The following ANKFN1 variants were observed in gnomAD, a reference collection of about 807,000 sequenced individuals.
The protein encoded by ANKFN1 is ankyrin repeat and fibronectin type-III domain-containing protein 1.
A neutral mutation model predicts 108.7 loss-of-function variants in ANKFN1; 74 were observed. That is an observed-to-expected ratio of 0.68 (90% CI 0.56 to 0.83). The LOEUF is 0.83. Ranked by LOEUF, ANKFN1 falls within the 40% of genes least tolerant of loss-of-function variation. The pLI is 0.00. For synonymous variants in ANKFN1, 547 were observed against 516.2 expected (o/e 1.06, Z -0.81); for missense variants, 1,505 against 1,382.3 (o/e 1.09, Z -1.41).
chr17:56,055,441 C>CTG lies in ANKFN1; in HGVS notation c.288+9132_288+9133dup, dbSNP rs71137187. On this transcript the variant is annotated intron_variant, in intron 4 of 12. Transcript: ENST00000635860. ...GTGGTTGTATATTATCCCATTATGT[C>CTG]TGTGTGTGTGTGTGTGTATTATTCC... Among the ~76,000 whole-genome samples the CTG allele has an allele frequency of 1.3e-3, 183 of 144,492 alleles. 1 individual carries two copies. Among genetic ancestry groups the CTG allele is most frequent in the African/African-American group, 4.1e-3 (158 of 38,376 alleles). 94.8% of individuals were successfully genotyped at this position (144,492 alleles called of 152,430 possible).
chr17:56,419,621 C>T (rs1232887757), intron 8 of ANKFN1, among the ~76,000 whole-genome samples: 1 of 151,406 alleles, frequency 6.6e-6, no homozygotes, highest in East Asian at 1.9e-4. Flanking sequence ...TAGCAAGACC[C>T]TATCTCCATG....
intron 3 of ANKFN1, among the ~76,000 whole-genome samples, chr17:56,309,656 C>A (rs1187938907): frequency 1.3e-5 from 2 of 152,156 alleles, no homozygotes; most frequent in African/African-American, 4.8e-5. Context: ...AAACCCCCAA[C>A]AGATGCCTAA....
intron 1 of ANKFN1, among the ~76,000 whole-genome samples, chr17:56,164,219 G>A (rs564364420): frequency 6.6e-6 from 1 of 151,128 alleles, no homozygotes; most frequent in Admixed American, 6.6e-5. Context: ...AAAGACCTCC[G>A]TTGCATTCCA....
At chr17:56,154,640 A>AT (rs1908918618) in intron 1 of ANKFN1, among the ~76,000 whole-genome samples, 1 of 123,978 alleles carries the variant, frequency 8.1e-6, no homozygotes, top group Non-Finnish European at 1.8e-5. Context: ...ATATGCCAAC[A>AT]CCAAAAAAAA....
chr17:56,151,628 G>A (rs1908617703), upstream of ANKFN1, among the ~76,000 whole-genome samples: 1 of 152,116 alleles, frequency 6.6e-6, no homozygotes, highest in Admixed American at 6.6e-5. Context: ...TACCATGCAA[G>A]CCTAACTGGG....
chr17:56,509,649 T>C (rs1343730431), intron 20 of ANKFN1, among the ~76,000 whole-genome samples: 1 of 152,202 alleles, frequency 6.6e-6, no homozygotes, highest in East Asian at 1.9e-4. Flanking sequence ...GGATACTGGA[T>C]AATGGATACT....
At chr17:56,215,262 G>T (rs1040319033) in intron 2 of ANKFN1, among the ~76,000 whole-genome samples, 1 of 152,206 alleles carries the variant, frequency 6.6e-6, no homozygotes, top group African/African-American at 2.4e-5. Flanking sequence ...TCCAGATCCA[G>T]AATCTATCGC....
intron 9 of ANKFN1, 152 bp from the exon 10 acceptor site, chr17:56,442,691 G>C (rs1024912760): frequency 8.8e-6 from 5 of 564,996 alleles, no homozygotes; most frequent in Non-Finnish European, 9.0e-6. Context: ...ATGGGCTATA[G>C]TTCTGTTGCC....
At chr17:56,055,566 C>CATATATATATATAT (rs1355346286) in intron 4 of ANKFN1, among the ~76,000 whole-genome samples, 4,246 of 47,002 alleles carry the variant, frequency 0.09, 694 homozygotes, top group Non-Finnish European at 0.12. Flanking sequence ...GGTATATATA[C>CATATATATATATAT]ATATATATAT....
At chr17:56,348,930 A>G (rs1337298371) in intron 4 of ANKFN1, among the ~76,000 whole-genome samples, 2 of 152,330 alleles carry the variant, frequency 1.3e-5, no homozygotes, top group African/African-American at 2.4e-5. Flanking sequence ...ATGCATGCAT[A>G]TATTCACTGC....
At chr17:56,188,573 GTGTGTGTGTATATATATATATA>G (rs1567825711) in intron 1 of ANKFN1, among the ~76,000 whole-genome samples, 1 of 95,480 alleles carries the variant, frequency 1.0e-5, no homozygotes, top group African/African-American at 5.2e-5. Context: ...ATGTGTGTGT[GTGTGTGTGTATATATATATATA>G]TATATATATA....
intron 3 of ANKFN1, among the ~76,000 whole-genome samples, chr17:56,274,327 G>C (rs2043863705): frequency 3.3e-5 from 5 of 152,234 alleles, no homozygotes; most frequent in Admixed American, 3.3e-4. Flanking sequence ...CAAAAAATTA[G>C]CTGGGCGTGG....
chr17:56,117,951 A>G (rs1458100125), intron 4 of ANKFN1, among the ~76,000 whole-genome samples: 1 of 152,112 alleles, frequency 6.6e-6, no homozygotes, highest in Admixed American at 6.6e-5. Context: ...AGGTTTGCCC[A>G]TTCCACACAT....
rs1454923928 is a variant in ANKFN1, at chr17:56,054,422, T to A, written c.288+8097T>A. On this transcript the variant is annotated intron_variant, in intron 4 of 12. Coordinates refer to the ANKFN1 transcript ENST00000635860. ...TAGTGAGTCTGACCCTGATGCCTGT[T>A]ACAGGCATGTCTCAGAGACATTGCG... Among the ~76,000 whole-genome samples, 4 of 152,318 alleles carry A rather than the reference T, an allele frequency of 2.6e-5. No individual in the cohort carries two copies. In the East Asian group the frequency reaches 7.7e-4, roughly 29 times the overall value.
intron 4 of ANKFN1, among the ~76,000 whole-genome samples, chr17:56,078,963 C>T (rs546105300): frequency 3.9e-5 from 6 of 152,256 alleles, no homozygotes; most frequent in African/African-American, 1.2e-4. Flanking sequence ...CAAAGTACAC[C>T]ACACTGGCAG....
At chr17:56,086,942 T>G (rs1256406094) in intron 4 of ANKFN1, among the ~76,000 whole-genome samples, 1 of 151,440 alleles carries the variant, frequency 6.6e-6, no homozygotes. Flanking sequence ...GCCAGGGGGA[T>G]AGTATCATCT....
At chr17:56,429,846 A>G (rs954455294) in intron 8 of ANKFN1, among the ~76,000 whole-genome samples, 4 of 152,234 alleles carry the variant, frequency 2.6e-5, no homozygotes, top group Admixed American at 1.3e-4. Context: ...AATTATAGCA[A>G]TGGAGTTTAA....
chr17:56,455,991 A>G lies in ANKFN1; in HGVS notation c.1208-870A>G, dbSNP rs1337537502. Among the ~76,000 whole-genome samples the G allele has an allele frequency of 2.0e-5, 3 of 152,314 alleles. No individual in the cohort carries two copies. In the East Asian group the frequency reaches 5.8e-4, roughly 29 times the overall value. ...TAAACCAACATACACAATGAAGAAA[A>G]AAACTGTTCCAGAATGCTGGCAGTG... On this transcript the variant is annotated intron_variant, in intron 11 of 20. Transcript: ENST00000682825.
intron 1 of ANKFN1, among the ~76,000 whole-genome samples, chr17:56,165,628 C>T (rs1598165999): frequency 2.0e-5 from 3 of 152,024 alleles, no homozygotes; most frequent in African/African-American, 7.2e-5. Context: ...ATAGACCAAA[C>T]GTTCAGATGT....
Sources: gnomAD v4.1 joint callset for allele counts (sites outside exome capture counted in the v4.1 genomes callset) on GRCh38, gnomAD v4.1.1 for gene constraint, MANE v1.5 for transcripts, NCBI Gene and HGNC (gene_info 2026-07-23, HGNC 2026-07-21) for gene names.